Variants in ARL10 observed in about 807,000 individuals in gnomAD.
ARL10 encodes the protein ADP-ribosylation factor-like protein 10.
Under a neutral mutation model 26.1 loss-of-function variants are expected in ARL10, and 23 were observed. The ratio of observed to expected loss-of-function variants is 0.88; its 90% confidence interval spans 0.63 to 1.25. The LOEUF is 1.25. ARL10 is among the 50% of genes most tolerant of loss of function. The pLI, the probability that ARL10 is intolerant of heterozygous loss-of-function variation, is 0.00. For synonymous variants in ARL10, 138 were observed against 149.1 expected (o/e 0.93, Z 0.54); for missense variants, 300 against 323.6 (o/e 0.93, Z 0.56).
At position 176,366,458 on chromosome 5, in the gene ARL10, G is replaced by A. The variant is rs1004401373; in HGVS notation, c.262G>A (p.Ala88Thr). 2 of 1,613,602 alleles carry A rather than the reference G, an allele frequency of 1.2e-6. No homozygotes were observed. The highest frequency in any genetic ancestry group is 1.7e-5 in the Admixed American group (1 of 59,990). Residue 88 changes from alanine (A) to threonine (T), a missense_variant, in exon 2 of 4, where the codon GCA becomes ACA. By Grantham distance (58) the Ala-to-Thr change is moderately conservative. Coordinates refer to ENST00000310389, the MANE Select transcript of ARL10 (RefSeq NM_173664.6). The stretch of plus-strand genomic sequence containing the variant: ...GGTGCTGGTGCTGGGGCTGGATGGC[G>A]CAGGCAAGAGCACGTTCCTGCGCGT... ...REVLVLGLDG[A>T]GKSTFLRVLS...
At chr5:176,383,600 G>C (rs1755608241), downstream of ARL10, among the ~76,000 whole-genome samples, 2 of 152,252 alleles carry the variant, frequency 1.3e-5, no homozygotes, top group South Asian at 4.1e-4. Context: ...CACTCAGAGG[G>C]CAGGCCAGGA....
intron 3 of ARL10, among the ~76,000 whole-genome samples, chr5:176,370,716 C>T (rs918058731): frequency 6.6e-6 from 1 of 152,182 alleles, no homozygotes. Flanking sequence ...TAGGAGACAA[C>T]ATCTAAGGTC....
In ARL10 at chr5:176,375,355, C is replaced by T. The variant is rs1251118050; in HGVS notation, c.*3460C>T. On this transcript the variant is annotated 3_prime_UTR_variant, in exon 4 of 4. Transcript: ENST00000310389. The stretch of plus-strand genomic sequence containing the variant: ...ATCCATCATCCACCCATCCATCCAT[C>T]CATCCATCCATCTGTGGCTTCTACC... 6.9e-6 allele frequency: 1 copy of T among 145,844 alleles called. No homozygotes were observed. Among genetic ancestry groups the T allele is most frequent in the African/African-American group, 2.5e-5 (1 of 39,362 alleles). 9.0% of individuals were successfully genotyped at this position (145,844 alleles called of 1,614,324 possible). A position where few individuals can be genotyped will look rare whatever the true frequency, so the allele number is the denominator to read the frequency against.
chr5:176,368,928 C>T lies in ARL10; in HGVS notation c.507C>T (p.His169=). The part of the protein sequence containing the change: ...LRLPWARQEL[H]KLLDKDPDLP... ...TGCCCTGGGCCCGACAGGAGCTGCA[C>T]AAGCTGCTGGACAAGGACCCTGACC... Residue 169 remains histidine (H), a synonymous_variant, in exon 3 of 4, where the codon CAC becomes CAT. Transcript: ENST00000310389. The surrounding 1 kb of genome is among the most constrained non-coding windows in gnomAD (Gnocchi z 4.1). 1.9e-6 allele frequency: 3 copies of T among 1,614,054 alleles called. No individual in the cohort carries two copies. The highest frequency in any genetic ancestry group is 1.3e-5 in the African/African-American group (1 of 75,042).
At chr5:176,388,945 G>T (rs1004551807), downstream of ARL10, 2 of 1,614,080 alleles carry the variant, frequency 1.2e-6, no homozygotes, top group Non-Finnish European at 8.5e-7. Flanking sequence ...TCGTTCGCAA[G>T]ACCCGCGAGA....
At chr5:176,395,596 T>A (rs1005444696) in intron 1 of ARL10, among the ~76,000 whole-genome samples, 2 of 152,086 alleles carry the variant, frequency 1.3e-5, no homozygotes, top group African/African-American at 2.4e-5. Context: ...CTCCAGGATG[T>A]CTCTACCAAC....
At chr5:176,392,616 G>A (rs765127770), downstream of ARL10, 226 of 750,118 alleles carry the variant, frequency 3.0e-4, no homozygotes, top group South Asian at 1.3e-3. This position sits in a 1 kb window ranked among gnomAD's most constrained non-coding sequence, Gnocchi z 5.2. Context: ...GGAGCGAGGC[G>A]TGATGGGGTG....
chr5:176,389,532 G>T (rs753411195), downstream of ARL10: 6 of 1,582,480 alleles, frequency 3.8e-6, no homozygotes, highest in East Asian at 9.0e-5. Context: ...CCGCAGAAAT[G>T]ATTCCAAAAC....
At chr5:176,369,074 G>T in intron 3 of ARL10, 92 bp downstream of exon 3, 1 of 1,552,718 alleles carries the variant, frequency 6.4e-7, no homozygotes, top group Non-Finnish European at 8.7e-7. Flanking sequence ...CCCATGGCCT[G>T]GAGAGGGTGG....
chr5:176,388,146 G>A, intron 1 of ARL10: 1 of 970,792 alleles, frequency 1.0e-6, no homozygotes, highest in Non-Finnish European at 1.6e-6. Context: ...CTGAGGGAAG[G>A]AATGGGCAGT....
intron 1 of ARL10, chr5:176,397,493 A>G: frequency 8.2e-6 from 1 of 121,866 alleles, no homozygotes; most frequent in Non-Finnish European, 1.3e-5. Context: ...CAGCTCCCTC[A>G]TGTCCCCACC....
downstream of ARL10, among the ~76,000 whole-genome samples, chr5:176,382,504 A>C (rs1426705616): frequency 6.6e-6 from 1 of 152,180 alleles, no homozygotes; most frequent in Non-Finnish European, 1.5e-5. Context: ...CACTACACTT[A>C]CCTGTTGAAC....
rs530307857 is a variant in ARL10, at chr5:176,395,412, G to A, written c.134-6329G>A. 5.3e-5 allele frequency among the ~76,000 whole-genome samples: 8 copies of A among 152,256 alleles called. No individual in the cohort carries two copies. In the South Asian group the frequency reaches 6.2e-4, roughly 12 times the overall value. Reference sequence around the variant, plus strand: ...GTGTCTTACCAATCTGGCACAAGGCGAGTGCCAAAGAGTACTAAATGAGGG... The same window carrying A: ...GTGTCTTACCAATCTGGCACAAGGCAAGTGCCAAAGAGTACTAAATGAGGG... On this transcript the variant is annotated intron_variant, in intron 1 of 1. Coordinates refer to the ARL10 transcript ENST00000514533.
At position 176,366,526 on chromosome 5, in the gene ARL10, G is replaced by T; in HGVS notation, c.330G>T (p.Trp110Cys). ...KPPLEGHIPT[W>C]GFNSVRLPTK... ...CGCTGGAAGGCCACATCCCCACCTG[G>T]GGCTTCAACTCCGTGCGTCTGCCCA... Residue 110 changes from tryptophan (W) to cysteine (C), a missense_variant, in exon 2 of 4, where the codon TGG becomes TGT. By Grantham distance (215) the Trp-to-Cys change is radical. Transcript: ENST00000310389. 2 of 1,614,144 alleles carry T rather than the reference G, an allele frequency of 1.2e-6. No individual in the cohort carries two copies. The highest frequency in any genetic ancestry group is 1.7e-5 in the Admixed American group (1 of 60,034).
rs1181349516 is a variant in ARL10, at chr5:176,397,907, C to G, written c.134-3834C>G. On this transcript the variant is annotated intron_variant, in intron 1 of 1. Transcript: ENST00000514533. ...CCCCACACACAGCCCACCCAGCCAA[C>G]CCCGCCTCAGCCCCGCCCTCACCCA... is the stretch of plus-strand genomic sequence containing the variant. 4 of 1,605,084 alleles carry G rather than the reference C, an allele frequency of 2.5e-6. No individual in the cohort carries two copies. In the African/African-American group the frequency reaches 5.3e-5, roughly 21 times the overall value.
Position 176,366,458 on chromosome 5 carries a change from G to T in ARL10, c.262G>T (p.Ala88Ser). 6.2e-7 allele frequency: 1 copy of T among 1,613,720 alleles called. No individual in the cohort carries two copies. Among genetic ancestry groups the T allele is most frequent in the Non-Finnish European group, 8.5e-7 (1 of 1,179,988 alleles). Residue 88 changes from alanine (A) to serine (S), a missense_variant, in exon 2 of 4, where the codon GCA (alanine) becomes TCA (serine). Transcript: ENST00000310389. ...GGTGCTGGTGCTGGGGCTGGATGGC[G>T]CAGGCAAGAGCACGTTCCTGCGCGT... is the stretch of plus-strand genomic sequence containing the variant. ...REVLVLGLDG[A>S]GKSTFLRVLS...
chr5:176,401,143 G>C (rs1432070908), intron 1 of ARL10, among the ~76,000 whole-genome samples: 1 of 152,240 alleles, frequency 6.6e-6, no homozygotes, highest in African/African-American at 2.4e-5. Flanking sequence ...GTTCACTGCT[G>C]CTCCTTTCTG....
downstream of ARL10, chr5:176,406,090 C>A (rs1280205799): frequency 8.5e-6 from 8 of 937,010 alleles, no homozygotes; most frequent in Non-Finnish European, 7.6e-6. Flanking sequence ...TTTTCCTGCC[C>A]CTGTCCCCAC....
rs1283073603 is a variant in ARL10 at position 176,371,953 on chromosome 5, T to C, written c.*58T>C. Reference sequence around the variant, plus strand: ...AAGACCATAGTTGTACTGCTGCTGCTTCATTGCCAGACTGGGCCTGGGGCA... The same window carrying C: ...AAGACCATAGTTGTACTGCTGCTGCCTCATTGCCAGACTGGGCCTGGGGCA... On this transcript the variant is annotated 3_prime_UTR_variant, in exon 4 of 4. Transcript: ENST00000310389. The C allele has an allele frequency of 1.5e-5, 24 of 1,571,260 alleles. No individual in the cohort carries two copies. Among genetic ancestry groups the C allele is most frequent in the Non-Finnish European group, 2.0e-5 (23 of 1,156,988 alleles).
Sources: allele counts gnomAD v4.1 joint callset (sites outside exome capture counted in the v4.1 genomes callset), GRCh38; gene constraint gnomAD v4.1.1; non-coding constraint Gnocchi (gnomAD v3.1); transcripts MANE v1.5; gene names NCBI Gene and HGNC (gene_info 2026-07-23, HGNC 2026-07-21).